PRDM2: variants seen among roughly 807,000 people sequenced by gnomAD.
The protein encoded by PRDM2 is PR/SET domain 2, also known as PR domain zinc finger protein 2.
Under a neutral mutation model 130.0 loss-of-function variants are expected in PRDM2, and 30 were observed. The ratio of observed to expected loss-of-function variants is 0.23; its 90% CI spans 0.17 to 0.31. The LOEUF is 0.31. Among genes scored for constraint, PRDM2 ranks in the 10% least tolerant of loss-of-function variants. The pLI is 1.00. For synonymous variants in PRDM2, 871 were observed against 782.4 expected, an observed-to-expected ratio of 1.11 and a Z score of -1.89; for missense variants, 2,011 against 2,108.4, an observed-to-expected ratio of 0.95 and a Z score of 0.90.
chr1:13,755,383 G>T (rs1369677709), intron 6 of PRDM2, among the ~76,000 whole-genome samples: 1 of 152,166 alleles, frequency 6.6e-6, no homozygotes, highest in African/African-American at 2.4e-5. Flanking sequence ...GAACCATGCT[G>T]TGCCCTATTT....
At chr1:13,788,417 A>G (rs974905703) in intron 8 of PRDM2, among the ~76,000 whole-genome samples, 4 of 152,210 alleles carry the variant, frequency 2.6e-5, no homozygotes, top group African/African-American at 7.2e-5. Context: ...GTTTATTTCT[A>G]TGGGCTTCCA....
At chr1:13,710,863 G>A (rs1330099008) in intron 1 of PRDM2, among the ~76,000 whole-genome samples, 1 of 152,136 alleles carries the variant, frequency 6.6e-6, no homozygotes, top group East Asian at 1.9e-4. Context: ...GAGGCGGACA[G>A]ATCACGAGGT....
At chr1:13,773,388 T>C (rs1246543309) in intron 7 of PRDM2, 200 bp downstream of exon 7, 5 of 375,844 alleles carry the variant, frequency 1.3e-5, no homozygotes, top group Non-Finnish European at 2.4e-5. Flanking sequence ...GAAAGACTTT[T>C]CTTCTTAAAA....
In PRDM2 at chr1:13,731,102, G is replaced by C; in HGVS notation, c.112G>C (p.Asp38His). ...EEVRLFPSAV[D>H]KTRIGVWATK... ...AGTGAGGCTTTTCCCTTCTGCTGTT[G>C]ACAAGACCCGGATTGGTGAGTGCTC... Residue 38 changes from aspartate to histidine, a missense_variant, in exon 3 of 10, where the codon GAC (aspartate) becomes CAC (histidine). Asp to His is a moderately conservative substitution (Grantham distance 81). Around this residue, in one of 5 missense-constraint regions of PRDM2, gnomAD observed 79 missense variants for 93.6 expected, o/e 0.84. Transcript: ENST00000311066. 1 of 1,612,884 alleles carries C rather than the reference G, an allele frequency of 6.2e-7. No homozygotes were observed. Among genetic ancestry groups the C allele is most frequent in the Non-Finnish European group, 8.5e-7 (1 of 1,179,614 alleles).
chr1:13,702,789 A>G (rs1054596777), intron 1 of PRDM2, among the ~76,000 whole-genome samples: 1 of 152,256 alleles, frequency 6.6e-6, no homozygotes, highest in African/African-American at 2.4e-5. Flanking sequence ...GTAGCTTTTC[A>G]TGTTATTTTT....
chr1:13,725,530 C>G (rs1437060148), intron 2 of PRDM2, among the ~76,000 whole-genome samples: 4 of 152,140 alleles, frequency 2.6e-5, no homozygotes, highest in African/African-American at 4.8e-5. Context: ...CTTTACCCAG[C>G]CTTTTCTAGC....
chr1:13,731,259 G>A, intron 3 of PRDM2, 142 bp downstream of exon 3: 1 of 660,842 alleles, frequency 1.5e-6, no homozygotes, highest in South Asian at 1.9e-5. Context: ...TGGTGTTGAT[G>A]CATTTTCTAG....
intron 2 of PRDM2, among the ~76,000 whole-genome samples, chr1:13,726,519 G>T (rs1642921618): frequency 6.6e-6 from 1 of 152,202 alleles, no homozygotes; most frequent in Admixed American, 6.5e-5. Context: ...GGGAGTATGT[G>T]TTAATGACTG....
Position 13,781,982 on chromosome 1 carries a change from G to A in PRDM2, c.4187G>A (p.Arg1396Gln), listed in dbSNP as rs769450279. The stretch of plus-strand genomic sequence containing the variant: ...AACTCTGGGAAAAATGCCTTCCGAC[G>A]AATGGGACAGCCCAAAAGGCTTAAC... Reference protein sequence around the residue: ...LDNSGKNAFRRMGQPKRLNFS... With the variant: ...LDNSGKNAFRQMGQPKRLNFS... Residue 1396 changes from arginine to glutamine, a missense_variant, in exon 8 of 10, where the codon CGA (arginine) becomes CAA (glutamine). Arg to Gln is a conservative substitution (Grantham distance 43, BLOSUM62 1). Around this residue, in one of 5 missense-constraint regions of PRDM2, gnomAD observed 229 missense variants for 364.1 expected, o/e 0.63. Coordinates refer to ENST00000311066, the MANE Select transcript of PRDM2 (RefSeq NM_001393986.1). The surrounding 1 kb of genome is among the most constrained non-coding windows in gnomAD (Gnocchi z 6.1). The A allele has an allele frequency of 2.8e-5, 45 of 1,614,050 alleles. No homozygotes were observed. The highest frequency in any genetic ancestry group is 7.7e-5 in the South Asian group (7 of 91,080).
chr1:13,814,156 C>A (rs750272211), intron 8 of PRDM2, among the ~76,000 whole-genome samples: 1 of 152,210 alleles, frequency 6.6e-6, no homozygotes, highest in African/African-American at 2.4e-5. Flanking sequence ...AGCTGGCTGT[C>A]TCCTCCCAGG....
intron 8 of PRDM2, chr1:13,787,651 A>T (rs937987918): frequency 2.1e-6 from 2 of 969,516 alleles, no homozygotes; most frequent in Non-Finnish European, 2.5e-6. Context: ...TAAAATATTT[A>T]AAATTATTTA....
At chr1:13,758,486 C>T (rs934166456) in intron 6 of PRDM2, among the ~76,000 whole-genome samples, 11 of 152,050 alleles carry the variant, frequency 7.2e-5, no homozygotes, top group African/African-American at 9.6e-5. Context: ...AACACCCGCC[C>T]CAACCACCCA....
At chr1:13,790,749 G>GGTA (rs61549453) in intron 8 of PRDM2, among the ~76,000 whole-genome samples, 1 of 152,012 alleles carries the variant, frequency 6.6e-6, no homozygotes, top group African/African-American at 2.4e-5. Context: ...GCTCCTTGGT[G>GGTA]CCATGGATCT....
At chr1:13,777,527 A>G (rs1644502212) in intron 7 of PRDM2, among the ~76,000 whole-genome samples, 1 of 138,648 alleles carries the variant, frequency 7.2e-6, no homozygotes. Flanking sequence ...CAGCTTCCCC[A>G]CCTCACCTCA....
intron 4 of PRDM2, among the ~76,000 whole-genome samples, chr1:13,739,703 A>G (rs941483025): frequency 2.0e-5 from 3 of 152,204 alleles, no homozygotes; most frequent in African/African-American, 4.8e-5. Flanking sequence ...CAATTGTCCA[A>G]TGATCTCATT....
At chr1:13,814,408 G>A (rs1001624801) in intron 8 of PRDM2, among the ~76,000 whole-genome samples, 83 of 152,346 alleles carry the variant, frequency 5.4e-4, no homozygotes, top group African/African-American at 1.7e-3. Flanking sequence ...AGGCTCACTC[G>A]TGACAACAGC....
At chr1:13,788,971 C>T (rs1466731249) in intron 8 of PRDM2, among the ~76,000 whole-genome samples, 3 of 152,158 alleles carry the variant, frequency 2.0e-5, no homozygotes, top group African/African-American at 7.2e-5. Context: ...TTTCTGAGTG[C>T]GCCCTCTAGG....
At chr1:13,769,933 G>T (rs1463027921) in intron 6 of PRDM2, among the ~76,000 whole-genome samples, 1 of 152,094 alleles carries the variant, frequency 6.6e-6, no homozygotes, top group Non-Finnish European at 1.5e-5. Context: ...CAATTAGAAG[G>T]GGGGGTGCCA....
chr1:13,751,249 A>G (rs1643826662), intron 6 of PRDM2, among the ~76,000 whole-genome samples: 1 of 152,204 alleles, frequency 6.6e-6, no homozygotes, highest in African/African-American at 2.4e-5. Flanking sequence ...TTCGTATTAA[A>G]TAGTTCATAT....
Sources: allele counts gnomAD v4.1 joint callset (sites outside exome capture counted in the v4.1 genomes callset), GRCh38; gene constraint gnomAD v4.1.1; regional missense constraint gnomAD v4.1.1; non-coding constraint Gnocchi (gnomAD v3.1); transcripts MANE v1.5; gene names NCBI Gene and HGNC (gene_info 2026-07-23, HGNC 2026-07-21).